VAV2: variants seen among roughly 807,000 people sequenced by gnomAD.
VAV2 encodes vav guanine nucleotide exchange factor 2.
VAV2 carries 67 observed loss-of-function variants against 132.5 expected under a neutral mutation model. The observed-to-expected ratio is 0.51, with a 90% CI of 0.42 to 0.62. VAV2 has a LOEUF of 0.62. Among genes scored for constraint, VAV2 ranks in the 20% least tolerant of loss-of-function variants. The pLI, the probability that VAV2 is intolerant of heterozygous loss-of-function variation, is 0.00. For missense variants in VAV2, 938 were observed against 1,153.6 expected (o/e 0.81, Z 2.71); for synonymous variants, 492 against 443.5 (o/e 1.11, Z -1.37).
At chr9:133,820,220 T>C (rs1835730233) in intron 4 of VAV2, among the ~76,000 whole-genome samples, 1 of 152,240 alleles carries the variant, frequency 6.6e-6, no homozygotes, top group Non-Finnish European at 1.5e-5. Context: ...AAACAAGCTC[T>C]GCTCCCTAAT....
chr9:133,814,218 TCCGGCGACTGC>T (rs759566957), intron 4 of VAV2, among the ~76,000 whole-genome samples: 34 of 152,204 alleles, frequency 2.2e-4, no homozygotes, highest in Non-Finnish European at 4.3e-4. Context: ...CCCAGCCAGG[TCCGGCGACTGC>T]CTTAGAAACT....
In VAV2 at chr9:133,834,982, G is replaced by A. The variant is rs1302437858; in HGVS notation, c.381-642C>T. On this transcript the variant is annotated intron_variant, in intron 3 of 29. Transcript: ENST00000371850. This position sits in a 1 kb window ranked among gnomAD's most constrained non-coding sequence, Gnocchi z 5.9. The stretch of plus-strand genomic sequence containing the variant: ...ATGGGGTCTCCCCAGAAGGAACGCG[G>A]CGGTGCTCCCCCACACTCCGCCCTC... Among the ~76,000 whole-genome samples the A allele has an allele frequency of 6.6e-6, 1 of 152,188 alleles. No individual in the cohort carries two copies. The highest frequency in any genetic ancestry group is 2.4e-5 in the African/African-American group (1 of 41,440).
At chr9:133,860,625 C>T (rs1288240159) in intron 3 of VAV2, among the ~76,000 whole-genome samples, 2 of 152,164 alleles carry the variant, frequency 1.3e-5, no homozygotes, top group Non-Finnish European at 2.9e-5. Flanking sequence ...ACCCCATCCT[C>T]GCTGCTCTCA....
intron 4 of VAV2, among the ~76,000 whole-genome samples, chr9:133,822,710 G>A (rs771657743): frequency 7.2e-5 from 11 of 152,152 alleles, no homozygotes; most frequent in African/African-American, 1.4e-4. Context: ...CCCGTCCACC[G>A]GACTGTCCCT....
chr9:133,983,262 G>A (rs1240145524), intron 1 of VAV2, among the ~76,000 whole-genome samples: 2 of 152,050 alleles, frequency 1.3e-5, no homozygotes, highest in African/African-American at 2.4e-5. Flanking sequence ...GGACAAACAT[G>A]TGTCCCTACA....
At position 133,788,232 on chromosome 9, in the gene VAV2, A is replaced by ACCCCCCCCG; in HGVS notation, c.1407+121_1407+122insCGGGGGGGG. ...CTGCAGAGCGGAGACGCCCACCCCA[A>ACCCCCCCCG]CCCACCCGGCCAGCATCAGCGGCTG... is the stretch of plus-strand genomic sequence containing the variant. On this transcript the variant is annotated intron_variant, in intron 15 of 29. Transcript: ENST00000371850. The surrounding 1 kb of genome is among the most constrained non-coding windows in gnomAD (Gnocchi z 5.3). 3.3e-6 allele frequency: 2 copies of ACCCCCCCCG among 615,290 alleles called. No homozygotes were observed. Among genetic ancestry groups the ACCCCCCCCG allele is most frequent in the South Asian group, 1.7e-5 (1 of 60,436 alleles). The allele number at this position is 615,290 out of a possible 1,614,324, so 38.1% of individuals were successfully genotyped here. A position where few individuals can be genotyped will look rare whatever the true frequency, so the allele number is the denominator to read the frequency against.
Position 133,762,845 on chromosome 9 carries a change from G to A in VAV2, c.*1217C>T, listed in dbSNP as rs1392616550. On this transcript the variant is annotated 3_prime_UTR_variant, in exon 30 of 30. Coordinates refer to ENST00000371850, the MANE Select transcript of VAV2 (RefSeq NM_001134398.2). The surrounding 1 kb of genome is among the most constrained non-coding windows in gnomAD (Gnocchi z 5.0). ...CACAGGCTGTGCAGCTGGCCAGAGG[G>A]AGAAGGGGCTACAAGAAGCCCAGGT... 1 of 152,592 alleles carries A rather than the reference G, an allele frequency of 6.6e-6. No individual in the cohort carries two copies. Among genetic ancestry groups the A allele is most frequent in the African/African-American group, 2.4e-5 (1 of 41,462 alleles). The allele number at this position is 152,592 out of a possible 1,614,324, so 9.5% of individuals were successfully genotyped here. A position where few individuals can be genotyped will look rare whatever the true frequency, so the allele number is the denominator to read the frequency against.
chr9:133,959,035 C>T (rs1025373768), intron 1 of VAV2, among the ~76,000 whole-genome samples: 1 of 108,438 alleles, frequency 9.2e-6, no homozygotes, highest in African/African-American at 3.4e-5. Flanking sequence ...GCCACTGCAC[C>T]GGCCACAGCC....
At chr9:133,815,071 G>A (rs1835506147) in intron 4 of VAV2, among the ~76,000 whole-genome samples, 1 of 152,150 alleles carries the variant, frequency 6.6e-6, no homozygotes, top group Non-Finnish European at 1.5e-5. Flanking sequence ...AACATATTAA[G>A]GAGGGAGAGA....
intron 3 of VAV2, among the ~76,000 whole-genome samples, chr9:133,846,079 C>T (rs1379591390): frequency 6.6e-6 from 1 of 152,248 alleles, no homozygotes; most frequent in African/African-American, 2.4e-5. Context: ...AGGACGGAAG[C>T]TGTGCTGAAG....
chr9:133,963,156 G>A (rs138626742), intron 1 of VAV2, among the ~76,000 whole-genome samples: 122 of 152,264 alleles, frequency 8.0e-4, no homozygotes, highest in African/African-American at 2.6e-3. Flanking sequence ...GGCAGAACTC[G>A]GGGTCGAAGC....
rs2131620763 is a variant in VAV2, at chr9:133,791,788, T to A, written c.1183A>T (p.Asn395Tyr). Reference protein sequence around the residue: ...KISEFQSSIENLQVKLEEFGR... With the variant: ...KISEFQSSIEYLQVKLEEFGR... ...GAAGAGTCAGTCTCACTCACCAAAT[T>A]TTCTATAGAACTCTGAAATTCGCTG... Residue 395 changes from asparagine to tyrosine, a missense_variant, in exon 13 of 30, where the codon AAT (asparagine) becomes TAT (tyrosine). By Grantham distance (143) the Asn-to-Tyr change is moderately radical (BLOSUM62 -2). Coordinates refer to ENST00000371850, the MANE Select transcript of VAV2 (RefSeq NM_001134398.2). The A allele has an allele frequency of 1.2e-6, 2 of 1,614,088 alleles. No homozygotes were observed. Among genetic ancestry groups the A allele is most frequent in the African/African-American group, 2.7e-5 (2 of 75,034 alleles).
chr9:133,939,562 G>A (rs1436972255), intron 1 of VAV2, among the ~76,000 whole-genome samples: 2 of 152,238 alleles, frequency 1.3e-5, no homozygotes, highest in African/African-American at 4.8e-5. Flanking sequence ...CCGTAGGTCA[G>A]GGCGGCAAGG....
At chr9:133,931,660 G>A (rs1222709676) in intron 2 of VAV2, among the ~76,000 whole-genome samples, 1 of 152,188 alleles carries the variant, frequency 6.6e-6, no homozygotes, top group East Asian at 1.9e-4. Flanking sequence ...TGCTCACCCC[G>A]CTCCAGCCCT....
chr9:133,813,124 G>A (rs1455746785), intron 4 of VAV2, among the ~76,000 whole-genome samples: 2 of 152,210 alleles, frequency 1.3e-5, no homozygotes, highest in Non-Finnish European at 2.9e-5. Flanking sequence ...CCCCGTTGGG[G>A]GCTCACTGCA....
chr9:133,813,286 A>G (rs1178266478), intron 4 of VAV2, among the ~76,000 whole-genome samples: 1 of 152,242 alleles, frequency 6.6e-6, no homozygotes, highest in Non-Finnish European at 1.5e-5. Flanking sequence ...ATAAATGCAG[A>G]GCACCCCCTT....
intron 3 of VAV2, among the ~76,000 whole-genome samples, chr9:133,845,806 T>C (rs1836911404): frequency 6.6e-6 from 1 of 152,182 alleles, no homozygotes; most frequent in African/African-American, 2.4e-5. Flanking sequence ...TCAGCCCTGG[T>C]GAGACAGGGA....
chr9:133,992,150 CAGA>C lies in VAV2; in HGVS notation c.126_128del (p.Leu43del). 6.3e-7 allele frequency: 1 copy of C among 1,594,678 alleles called. No individual in the cohort carries two copies. Among genetic ancestry groups the C allele is most frequent in the Non-Finnish European group, 8.5e-7 (1 of 1,171,072 alleles). ...GGGAGAGGTTGTGCAGCAGCTGGCA[CAGA>C]AGGACCCCGTCGCGCAGCGCCTGCG... On this transcript the variant is annotated inframe_deletion, in exon 1 of 30. Transcript: ENST00000371850. The surrounding 1 kb of genome is among the most constrained non-coding windows in gnomAD (Gnocchi z 5.5).
At chr9:133,933,674 T>C (rs533501484) in intron 2 of VAV2, among the ~76,000 whole-genome samples, 16 of 95,378 alleles carry the variant, frequency 1.7e-4, no homozygotes, top group African/African-American at 4.8e-4. Flanking sequence ...GGTGGACGGA[T>C]GGATAGATGA....
Sources: gnomAD v4.1 joint callset for allele counts (sites outside exome capture counted in the v4.1 genomes callset) on GRCh38, gnomAD v4.1.1 for gene constraint, Gnocchi (gnomAD v3.1) non-coding constraint, MANE v1.5 for transcripts, NCBI Gene and HGNC (gene_info 2026-07-23, HGNC 2026-07-21) for gene names.